The following CDH20 variants were observed in gnomAD, a reference collection of about 807,000 sequenced individuals.
The protein encoded by CDH20 is cadherin 20, also known as cadherin-20.
In CDH20, 29 loss-of-function variants were observed where a neutral mutation model predicts 74.2. The ratio of observed to expected loss-of-function variants is 0.39; its 90% CI spans 0.29 to 0.53. The LOEUF (loss-of-function observed/expected upper bound fraction) is 0.53. CDH20 is among the 20% of genes least tolerant of loss of function. The probability of loss-of-function intolerance (pLI) is 0.69; values close to 1 mark genes in which losing one functional copy is unlikely to be tolerated. For missense variants in CDH20, 988 were observed against 1,048.3 expected, an observed-to-expected ratio of 0.94 and a Z score of 0.79; for synonymous variants, 469 against 405.4, an observed-to-expected ratio of 1.16 and a Z score of -1.88.
rs144227344 is a variant in CDH20 at position 61,349,185 on chromosome 18, G to A, written c.-153+15358G>A. ...AATGGCATTTTGGCAAAACTGTTCT[G>A]TGTGCCCTAACAGCTAAAAAATCTC... On this transcript the variant is annotated intron_variant, in intron 1 of 11. Coordinates refer to ENST00000262717, the MANE Select transcript of CDH20 (RefSeq NM_031891.4). Among the ~76,000 whole-genome samples the A allele has an allele frequency of 7.8e-4, 119 of 152,240 alleles. 1 individual carries two copies. Among genetic ancestry groups the A allele is most frequent in the African/African-American group, 2.8e-3 (116 of 41,548 alleles).
chr18:61,499,569 G>C (rs1911290377), intron 3 of CDH20, 89 bp downstream of exon 3: 2 of 1,042,566 alleles, frequency 1.9e-6, no homozygotes, highest in Admixed American at 2.4e-5. Context: ...CACACATGTA[G>C]ATACACATAT....
chr18:61,422,761 A>C (rs1180115908), intron 1 of CDH20, among the ~76,000 whole-genome samples: 2 of 150,740 alleles, frequency 1.3e-5, no homozygotes, highest in Non-Finnish European at 1.5e-5. Context: ...AATATATAAA[A>C]TATATTTATA....
At chr18:61,348,523 G>C (rs1910207149) in intron 1 of CDH20, among the ~76,000 whole-genome samples, 1 of 152,178 alleles carries the variant, frequency 6.6e-6, no homozygotes, top group Non-Finnish European at 1.5e-5. Flanking sequence ...TCTCCATTCT[G>C]AATGGTGGGG....
Position 61,554,182 on chromosome 18 carries a change from C to G in CDH20, c.1901-8C>G, listed in dbSNP as rs755027848. 4.4e-6 allele frequency: 7 copies of G among 1,601,070 alleles called. No homozygotes were observed. ...CGGTAAACACACTCTCCTTTTTGTT[C>G]CTGGCAGTGCTGGTGTTGCTCATTT... On this transcript the variant is annotated splice_polypyrimidine_tract_variant and splice_region_variant and intron_variant, in intron 11 of 11. Transcript: ENST00000262717.
rs577595355 is a variant in CDH20, at chr18:61,466,952, C to T, written c.-152-23450C>T. 2.6e-5 allele frequency among the ~76,000 whole-genome samples: 4 copies of T among 152,288 alleles called. No homozygotes were observed. The South Asian group carries it at 8.3e-4, about 32-fold the overall frequency. On this transcript the variant is annotated intron_variant, in intron 1 of 11. Coordinates refer to ENST00000262717, the MANE Select transcript of CDH20 (RefSeq NM_031891.4). ...ATCCTTGCAGGTTCCCTTCCATACT[C>T]CCAGCAAACAATGTGCTTGGCCTGG...
chr18:61,502,506 T>A (rs1255980754), intron 4 of CDH20, among the ~76,000 whole-genome samples: 1 of 152,164 alleles, frequency 6.6e-6, no homozygotes, highest in Non-Finnish European at 1.5e-5. Flanking sequence ...GAAGAGCCAT[T>A]CACACTACAA....
At chr18:61,550,284 A>AT (rs1217185908) in intron 11 of CDH20, 55 bp downstream of exon 11, 4 of 1,573,380 alleles carry the variant, frequency 2.5e-6, no homozygotes, top group Non-Finnish European at 3.5e-6. Flanking sequence ...GCACTCAGAC[A>AT]TTTGTTCATT....
intron 1 of CDH20, among the ~76,000 whole-genome samples, chr18:61,406,597 A>G (rs1912338000): frequency 6.6e-6 from 1 of 152,372 alleles, no homozygotes; most frequent in South Asian, 2.1e-4. Flanking sequence ...GCAAGATAGA[A>G]ACAGGATAAT....
At chr18:61,486,276 TACAC>T (rs1174823765) in intron 1 of CDH20, among the ~76,000 whole-genome samples, 3 of 152,166 alleles carry the variant, frequency 2.0e-5, no homozygotes, top group African/African-American at 7.2e-5. Context: ...AGCAGAAACA[TACAC>T]AAACAAATCC....
intron 1 of CDH20, among the ~76,000 whole-genome samples, chr18:61,460,400 G>C (rs902870583): frequency 6.6e-6 from 1 of 152,084 alleles, no homozygotes; most frequent in African/African-American, 2.4e-5. Flanking sequence ...ATTTCACTTA[G>C]GCAAATGACA....
At position 61,538,582 on chromosome 18, in the gene CDH20, TTG is replaced by T. The variant is rs1466599255; in HGVS notation, c.1409-440_1409-439del. ...GACTCACCAAGTAAATAACTACTTT[TTG>T]TTTGTTTGTTTGTTTTTGTTTTTGT... is the stretch of plus-strand genomic sequence containing the variant. On this transcript the variant is annotated intron_variant, in intron 8 of 11. Transcript: ENST00000262717. 1.7e-4 allele frequency among the ~76,000 whole-genome samples: 4 copies of T among 23,742 alleles called. 2 individuals are homozygous for T. Among genetic ancestry groups the T allele is most frequent in the African/African-American group, 3.6e-4 (2 of 5,574 alleles). The allele number at this position is 23,742 out of a possible 152,430, so 15.6% of individuals were successfully genotyped here.
At chr18:61,341,837 G>A (rs13381832) in intron 1 of CDH20, among the ~76,000 whole-genome samples, 69,255 of 152,050 alleles carry the variant, frequency 0.46, 16,702 homozygotes, top group East Asian at 0.7. Flanking sequence ...TGGCAACCAG[G>A]GTACATCTTC....
chr18:61,499,535 C>CAA (rs1911288686), intron 3 of CDH20, 55 bp downstream of exon 3: 2 of 1,294,812 alleles, frequency 1.5e-6, no homozygotes, highest in Non-Finnish European at 1.1e-6. Context: ...TATATACACA[C>CAA]ACACACACAT....
rs372217591 is a variant in CDH20 at position 61,534,619 on chromosome 18, C to A, written c.1272-1874C>A. Among the ~76,000 whole-genome samples, 5 of 152,302 alleles carry A rather than the reference C, an allele frequency of 3.3e-5. No individual in the cohort carries two copies. The East Asian group carries it at 5.8e-4, about 18-fold the overall frequency. On this transcript the variant is annotated intron_variant, in intron 7 of 11. Transcript: ENST00000262717. ...TTGCAACATGGATGAATCTAGACGA[C>A]ATTATGCTAAATTAGCCAAGCACAG...
At position 61,386,575 on chromosome 18, in the gene CDH20, C is replaced by T. The variant is rs567214016; in HGVS notation, c.-153+52748C>T. The stretch of plus-strand genomic sequence containing the variant: ...GTAATAATTCCTGTAATACATAATT[C>T]CCCTAAGGAAATAATTAAAATTTGG... On this transcript the variant is annotated intron_variant, in intron 1 of 11. Coordinates refer to ENST00000262717, the MANE Select transcript of CDH20 (RefSeq NM_031891.4). Among the ~76,000 whole-genome samples the T allele has an allele frequency of 4.6e-5, 7 of 152,176 alleles. No individual in the cohort carries two copies. The East Asian group carries it at 7.7e-4, about 17-fold the overall frequency.
In CDH20 at chr18:61,416,791, C is replaced by T. The variant is rs913916906; in HGVS notation, c.-152-73611C>T. 1.2e-4 allele frequency among the ~76,000 whole-genome samples: 18 copies of T among 152,102 alleles called. 1 individual carries two copies. The highest frequency in any genetic ancestry group is 3.4e-4 in the African/African-American group (14 of 41,408). ...CACTGCCACTACCAATAATGGGATT[C>T]GTTAGGAAAGAAGAAGCAAATAATG... On this transcript the variant is annotated intron_variant, in intron 1 of 11. Coordinates refer to ENST00000262717, the MANE Select transcript of CDH20 (RefSeq NM_031891.4).
At position 61,555,247 on chromosome 18, in the gene CDH20, A is replaced by G; in HGVS notation, c.*552A>G. The stretch of plus-strand genomic sequence containing the variant: ...AATTTCCCGTAACCCTTTTGAGACA[A>G]GGTTAAGACTGAATCAGCCTTGCAT... On this transcript the variant is annotated 3_prime_UTR_variant, in exon 12 of 12. Coordinates refer to ENST00000262717, the MANE Select transcript of CDH20 (RefSeq NM_031891.4). The G allele has an allele frequency of 1.1e-6, 1 of 922,390 alleles. No individual in the cohort carries two copies. Among genetic ancestry groups the G allele is most frequent in the Non-Finnish European group, 1.3e-6 (1 of 799,124 alleles). 57.1% of individuals were successfully genotyped at this position (922,390 alleles called of 1,614,324 possible).
At chr18:61,495,329 C>T (rs773413622) in intron 2 of CDH20, among the ~76,000 whole-genome samples, 2 of 152,172 alleles carry the variant, frequency 1.3e-5, no homozygotes, top group Non-Finnish European at 2.9e-5. Flanking sequence ...GCTGGTAAAG[C>T]GGAATATTAA....
intron 1 of CDH20, among the ~76,000 whole-genome samples, chr18:61,347,323 C>CAT (rs1568104164): frequency 1.6e-4 from 11 of 68,336 alleles, no homozygotes; most frequent in Admixed American, 3.6e-4. Flanking sequence ...TATATATACA[C>CAT]ACACACACAC....
Sources: allele counts gnomAD v4.1 joint callset (sites outside exome capture counted in the v4.1 genomes callset), GRCh38; gene constraint gnomAD v4.1.1; transcripts MANE v1.5; gene names NCBI Gene and HGNC (gene_info 2026-07-23, HGNC 2026-07-21).